RRM2B: variants seen among roughly 807,000 people sequenced by gnomAD.
The protein encoded by RRM2B is ribonucleoside-diphosphate reductase subunit M2 B.
In RRM2B, 20 loss-of-function variants were observed where a neutral mutation model predicts 45.9. The observed-to-expected ratio is 0.44, with a 90% CI of 0.31 to 0.63. RRM2B has a LOEUF of 0.63. RRM2B is among the 30% of genes least tolerant of loss of function. RRM2B has a pLI of 0.09. For missense variants in RRM2B, 320 were observed against 414.7 expected (o/e 0.77, Z 1.98); for synonymous variants, 124 against 132.3 (o/e 0.94, Z 0.43).
chr8:102,221,853 A>G (rs936657177), intron 5 of RRM2B, among the ~76,000 whole-genome samples: 11 of 152,130 alleles, frequency 7.2e-5, no homozygotes, highest in African/African-American at 2.7e-4. Flanking sequence ...TTTTCAGCGT[A>G]TATGGAACAC....
intron 8 of RRM2B, 149 bp from the exon 9 acceptor site, chr8:102,208,434 A>AC: frequency 1.5e-6 from 1 of 661,580 alleles, no homozygotes; most frequent in South Asian, 1.9e-5. Flanking sequence ...CCCTGGAGGT[A>AC]CTCAAGGCTG....
At chr8:102,212,683 G>A in intron 8 of RRM2B, 93 bp downstream of exon 8, 1 of 732,564 alleles carries the variant, frequency 1.4e-6, no homozygotes, top group Non-Finnish European at 2.4e-6. Flanking sequence ...AAATAGAATA[G>A]TATGTTACAA....
chr8:102,238,397 C>T (rs1811160768), intron 1 of RRM2B: 1 of 500,322 alleles, frequency 2.0e-6, no homozygotes, highest in Non-Finnish European at 3.2e-6. Context: ...TCAATTTCCA[C>T]ACGCGTTCTC....
chr8:102,238,955 G>A lies in RRM2B; in HGVS notation c.-81C>T, dbSNP rs1376312196. On this transcript the variant is annotated 5_prime_UTR_variant, in exon 1 of 9. Coordinates refer to ENST00000251810, the MANE Select transcript of RRM2B (RefSeq NM_015713.5). Reference sequence around the variant, plus strand: ...CTCCAACTACGACAGCACCCAGGTGGTCCGCTGGTCCGCTGGGTCCGCCCC... The same window carrying A: ...CTCCAACTACGACAGCACCCAGGTGATCCGCTGGTCCGCTGGGTCCGCCCC... 5 of 1,419,096 alleles carry A rather than the reference G, an allele frequency of 3.5e-6. No individual in the cohort carries two copies. The highest frequency in any genetic ancestry group is 1.4e-5 in the African/African-American group (1 of 71,528). 87.9% of individuals were successfully genotyped at this position (1,419,096 alleles called of 1,614,324 possible). A position where few individuals can be genotyped will look rare whatever the true frequency, so the allele number is the denominator to read the frequency against.
chr8:102,218,744 A>ATT, intron 6 of RRM2B, 70 bp downstream of exon 6: 3 of 1,107,662 alleles, frequency 2.7e-6, no homozygotes, highest in Non-Finnish European at 4.0e-6. Context: ...AAAAAAAAAG[A>ATT]TGGAAAAGAA....
Position 102,208,124 on chromosome 8 carries a change from A to G in RRM2B, c.*9T>C, listed in dbSNP as rs1214763287. 1 of 1,609,266 alleles carries G rather than the reference A, an allele frequency of 6.2e-7. No individual in the cohort carries two copies. The highest frequency in any genetic ancestry group is 8.5e-7 in the Non-Finnish European group (1 of 1,176,124). ...GACAAGTTTATAGAGTTTTAAAACG[A>G]GAGGTTTTTTAAAAATCTGCATCCA... On this transcript the variant is annotated 3_prime_UTR_variant, in exon 9 of 9. Transcript: ENST00000251810.
At position 102,212,951 on chromosome 8, in the gene RRM2B, T is replaced by G. The variant is rs953477088; in HGVS notation, c.790-62A>C. The G allele has an allele frequency of 5.8e-6, 5 of 858,316 alleles. No individual in the cohort carries two copies. The East Asian group carries it at 1.1e-4, about 18-fold the overall frequency. 53.2% of individuals were successfully genotyped at this position (858,316 alleles called of 1,614,324 possible). A position where few individuals can be genotyped will look rare whatever the true frequency, so the allele number is the denominator to read the frequency against. On this transcript the variant is annotated intron_variant, in intron 7 of 8. Coordinates refer to ENST00000251810, the MANE Select transcript of RRM2B (RefSeq NM_015713.5). ...AAACTATAAATATGTATTTTCCAAA[T>G]AGAAAGAGGACTTTCGTTTTATTTC...
At chr8:102,210,335 G>A (rs1477120828) in intron 8 of RRM2B, among the ~76,000 whole-genome samples, 1 of 152,136 alleles carries the variant, frequency 6.6e-6, no homozygotes, top group Non-Finnish European at 1.5e-5. Flanking sequence ...AAAGGGCACT[G>A]AACCAATAGC....
chr8:102,218,849 G>T lies in RRM2B; in HGVS notation c.649C>A (p.Leu217Ile). The T allele has an allele frequency of 6.2e-7, 1 of 1,613,780 alleles. No individual in the cohort carries two copies. Among genetic ancestry groups the T allele is most frequent in the Non-Finnish European group, 8.5e-7 (1 of 1,179,812 alleles). Reference protein sequence around the residue: ...WLKKRGLMPGLTFSNELISRD... With the variant: ...WLKKRGLMPGITFSNELISRD... ...CTGATGAGTTCATTGGAAAAAGTGA[G>T]TCCTGGCATAAGACCTCTCTTCTTT... Residue 217 changes from leucine to isoleucine, a missense_variant, in exon 6 of 9, where the codon CTC becomes ATC. This residue lies in a region of RRM2B where 225 missense variants were observed against 289.4 expected (regional missense o/e 0.78). Coordinates refer to ENST00000251810, the MANE Select transcript of RRM2B (RefSeq NM_015713.5).
At chr8:102,224,811 A>G (rs1255804276) in intron 4 of RRM2B, 74 bp downstream of exon 4, 10 of 1,367,538 alleles carry the variant, frequency 7.3e-6, no homozygotes, top group Non-Finnish European at 8.3e-6. Context: ...CTTAACATTG[A>G]GTTTTGGAAT....
chr8:102,214,176 T>C lies in RRM2B; in HGVS notation c.685-18A>G. The C allele has an allele frequency of 4.6e-6, 7 of 1,531,750 alleles. 1 individual carries two copies. In the South Asian group the frequency reaches 7.8e-5, roughly 17 times the overall value. The allele number at this position is 1,531,750 out of a possible 1,614,324, so 94.9% of individuals were successfully genotyped here. On this transcript the variant is annotated intron_variant, in intron 6 of 8. Coordinates refer to ENST00000251810, the MANE Select transcript of RRM2B (RefSeq NM_015713.5). ...TGAAGTCCCTAAAAGGGAAGAAAAA[T>C]GTCATTGTCAAATAACTTTTAATCA...
chr8:102,209,546 G>C (rs1458523291), intron 8 of RRM2B, among the ~76,000 whole-genome samples: 1 of 152,166 alleles, frequency 6.6e-6, no homozygotes, highest in African/African-American at 2.4e-5. Flanking sequence ...ATATAAAATT[G>C]TGCAGCTGCT....
chr8:102,226,017 A>G lies in RRM2B; in HGVS notation c.222T>C (p.Asp74=), dbSNP rs1268474962. 6.2e-7 allele frequency: 1 copy of G among 1,605,922 alleles called. No individual in the cohort carries two copies. Among genetic ancestry groups the G allele is most frequent in the East Asian group, 2.2e-5 (1 of 44,758 alleles). ...CTTTAAGCTTGTTCCAGTGAGGGAG[A>G]TCCTTTGATAAGTCGACCTGGAATA... The part of the protein sequence containing the change: ...WTAEEVDLSK[D]LPHWNKLKAD... Residue 74 remains aspartate, a synonymous_variant, in exon 3 of 9, where the codon GAT becomes GAC. Coordinates refer to ENST00000251810, the MANE Select transcript of RRM2B (RefSeq NM_015713.5).
At chr8:102,219,160 G>A (rs181357404) in intron 5 of RRM2B, 43 of 581,104 alleles carry the variant, frequency 7.4e-5, no homozygotes, top group Non-Finnish European at 1.0e-4. Context: ...TCTGTCAGAC[G>A]ATGGACTTCT....
chr8:102,216,475 GTATTT>G (rs1810732631), intron 6 of RRM2B, among the ~76,000 whole-genome samples: 1 of 152,032 alleles, frequency 6.6e-6, no homozygotes, highest in East Asian at 1.9e-4. Context: ...AAGCAAATTT[GTATTT>G]TATATTATAT....
chr8:102,221,687 T>C (rs1318474420), intron 5 of RRM2B, among the ~76,000 whole-genome samples: 1 of 152,200 alleles, frequency 6.6e-6, no homozygotes, highest in African/African-American at 2.4e-5. Context: ...TTAAGCAATA[T>C]GGAGAATCTA....
In RRM2B at chr8:102,233,320, T is replaced by C. The variant is rs73698402; in HGVS notation, c.49-1016A>G. On this transcript the variant is annotated intron_variant, in intron 1 of 8. Transcript: ENST00000251810. ...TACGGCTATGCAAATACAGGGGGGC[T>C]TGCGTGCTTTATACCTACTGCCATC... Among the ~76,000 whole-genome samples, 407 of 152,326 alleles carry C rather than the reference T, an allele frequency of 2.7e-3. 1 individual carries two copies. The highest frequency in any genetic ancestry group is 9.0e-3 in the African/African-American group (373 of 41,570).
chr8:102,228,584 T>TA (rs1292389494), intron 2 of RRM2B, among the ~76,000 whole-genome samples: 5 of 152,212 alleles, frequency 3.3e-5, no homozygotes, highest in Non-Finnish European at 7.3e-5. Context: ...AAAAGAGAGT[T>TA]AACTATAACA....
In RRM2B at chr8:102,205,769, G is replaced by C. The variant is rs976924911; in HGVS notation, c.*2364C>G. ...ATTACACAACTTCTTGATTCTTTAA[G>C]AACTAAGAACCAAAGTATTGAACAT... On this transcript the variant is annotated 3_prime_UTR_variant, in exon 9 of 9. Transcript: ENST00000251810. 1.3e-5 allele frequency: 2 copies of C among 151,958 alleles called. No homozygotes were observed. Among genetic ancestry groups the C allele is most frequent in the African/African-American group, 4.8e-5 (2 of 41,396 alleles). The allele number at this position is 151,958 out of a possible 1,614,324, so 9.4% of individuals were successfully genotyped here.
Sources: gnomAD v4.1 joint callset for allele counts (sites outside exome capture counted in the v4.1 genomes callset) on GRCh38, gnomAD v4.1.1 for gene constraint, gnomAD v4.1.1 regional missense constraint, MANE v1.5 for transcripts, NCBI Gene and HGNC (gene_info 2026-07-23, HGNC 2026-07-21) for gene names.